The following STARD13 variants were observed in gnomAD, a reference collection of about 807,000 sequenced individuals.
The protein encoded by STARD13 is StAR related lipid transfer domain containing 13.
STARD13 carries 62 observed loss-of-function variants against 106.4 expected under a neutral mutation model. The ratio of observed to expected loss-of-function variants is 0.58; its 90% CI spans 0.48 to 0.72. The LOEUF is 0.72. Among genes scored for constraint, STARD13 ranks in the 30% least tolerant of loss-of-function variants. The pLI is 0.00. For missense variants in STARD13, 1,387 were observed against 1,424.0 expected, an observed-to-expected ratio of 0.97 and a Z score of 0.42; for synonymous variants, 565 against 553.0, an observed-to-expected ratio of 1.02 and a Z score of -0.31.
chr13:33,235,822 T>A (rs954628226), intron 1 of STARD13, among the ~76,000 whole-genome samples: 2 of 152,232 alleles, frequency 1.3e-5, no homozygotes, highest in African/African-American at 4.8e-5. Flanking sequence ...GGCCTCCAGG[T>A]GATTCTAATG....
At chr13:33,365,906 C>A in the STARD13 span, among the ~76,000 whole-genome samples, 95 of 152,182 alleles carry the variant, frequency 6.2e-4, no homozygotes, top group African/African-American at 2.2e-3. Context: ...CAAGGCTTTT[C>A]TTTTATTTTT....
chr13:33,169,347 G>A (rs773651701), intron 1 of STARD13, among the ~76,000 whole-genome samples: 1 of 152,200 alleles, frequency 6.6e-6, no homozygotes, highest in Non-Finnish European at 1.5e-5. Context: ...GTATTTGAAG[G>A]TTCCTACTTT....
chr13:33,285,745 C>A lies in STARD13; in HGVS notation c.-107G>T, dbSNP rs1892029034. ...CCAGCCCAGGACAGCTCAACAGACC[C>A]AGCGATTTTTAAAAAGAAAGAGGAG... On this transcript the variant is annotated 5_prime_UTR_variant, in exon 1 of 14. Transcript: ENST00000336934. 1 of 1,496,130 alleles carries A rather than the reference C, an allele frequency of 6.7e-7. No individual in the cohort carries two copies. Among genetic ancestry groups the A allele is most frequent in the Non-Finnish European group, 8.9e-7 (1 of 1,128,672 alleles). The allele number at this position is 1,496,130 out of a possible 1,614,324, so 92.7% of individuals were successfully genotyped here.
chr13:33,492,032 G>GAAAATTAGCCAA, the STARD13 span, among the ~76,000 whole-genome samples: 1 of 152,080 alleles, frequency 6.6e-6, no homozygotes, highest in Non-Finnish European at 1.5e-5. Context: ...GTCAAAGGGG[G>GAAAATTAGCCAA]TTGTTCTTTG....
chr13:33,406,407 T>C, the STARD13 span, among the ~76,000 whole-genome samples: 6 of 152,390 alleles, frequency 3.9e-5, no homozygotes, highest in Admixed American at 3.9e-4. Flanking sequence ...AAATTTGCTG[T>C]GGACACTGAA....
At chr13:33,120,029 G>A (rs969487302) in intron 7 of STARD13, among the ~76,000 whole-genome samples, 1 of 152,196 alleles carries the variant, frequency 6.6e-6, no homozygotes, top group African/African-American at 2.4e-5. Context: ...TTGGAAGGAG[G>A]CCCAGGACTG....
At chr13:33,579,736 C>T in the STARD13 span, among the ~76,000 whole-genome samples, 1 of 151,030 alleles carries the variant, frequency 6.6e-6, no homozygotes, top group Non-Finnish European at 1.5e-5. Flanking sequence ...AGTAAGAAAA[C>T]AACTCAATTT....
chr13:33,193,335 C>T (rs1293892825), intron 1 of STARD13, among the ~76,000 whole-genome samples: 1 of 152,074 alleles, frequency 6.6e-6, no homozygotes, highest in Non-Finnish European at 1.5e-5. Flanking sequence ...GATCTTGACG[C>T]CTTGCAGAAG....
At chr13:33,669,551 T>C in the STARD13 span, among the ~76,000 whole-genome samples, 1 of 149,464 alleles carries the variant, frequency 6.7e-6, no homozygotes, top group Non-Finnish European at 1.5e-5. Flanking sequence ...TTTTTTTTTT[T>C]TTGAGACAGA....
the STARD13 span, among the ~76,000 whole-genome samples, chr13:33,525,151 A>G: frequency 6.6e-6 from 1 of 151,922 alleles, no homozygotes; most frequent in African/African-American, 2.4e-5. Flanking sequence ...CCTCCCCAGT[A>G]GCTGGTATTA....
chr13:33,583,695 C>G, the STARD13 span, among the ~76,000 whole-genome samples: 1 of 152,200 alleles, frequency 6.6e-6, no homozygotes, highest in Non-Finnish European at 1.5e-5. Flanking sequence ...TTCTCCTGTT[C>G]AGGAACCATT....
intron 1 of STARD13, among the ~76,000 whole-genome samples, chr13:33,189,434 CGGAGGAA>C (rs1356929923): frequency 1.0e-4 from 2 of 19,326 alleles, no homozygotes; most frequent in African/African-American, 2.3e-4. Flanking sequence ...TTCCTCCTTT[CGGAGGAA>C]GGAGGGAAAG....
chr13:33,378,528 C>T, the STARD13 span, among the ~76,000 whole-genome samples: 3 of 152,294 alleles, frequency 2.0e-5, no homozygotes, highest in Admixed American at 6.5e-5. Flanking sequence ...CAGTGGCTCA[C>T]GCCTGTAATC....
the STARD13 span, among the ~76,000 whole-genome samples, chr13:33,396,496 C>T: frequency 6.6e-6 from 1 of 152,200 alleles, no homozygotes; most frequent in East Asian, 1.9e-4. Context: ...CCCCGAATGG[C>T]ACCTTTAAAC....
chr13:33,507,137 A>G, the STARD13 span, among the ~76,000 whole-genome samples: 4 of 152,276 alleles, frequency 2.6e-5, no homozygotes, highest in Middle Eastern at 3.4e-3. Context: ...TTCCAACTAC[A>G]TAACTATAAT....
At position 33,130,232 on chromosome 13, in the gene STARD13, T is replaced by C. The variant is rs751372418; in HGVS notation, c.445A>G (p.Thr149Ala). ...TCCACACGAGACCACCTGCGACTGG[T>C]TCTTTGGAAAGTCCATTTGTTGCTG... ...CISNKWTFQR[T>A]SRRWSRVDDL... The change falls in exon 5 of 14, where the codon ACC becomes GCC. Residue 149 changes from threonine to alanine, a missense_variant. Transcript: ENST00000336934. This position sits in a 1 kb window ranked among gnomAD's most constrained non-coding sequence, Gnocchi z 4.1. 3.1e-6 allele frequency: 5 copies of C among 1,609,094 alleles called. No homozygotes were observed. The highest frequency in any genetic ancestry group is 4.2e-6 in the Non-Finnish European group (5 of 1,179,994).
At chr13:33,652,644 A>G in the STARD13 span, among the ~76,000 whole-genome samples, 2 of 152,218 alleles carry the variant, frequency 1.3e-5, no homozygotes, top group Non-Finnish European at 2.9e-5. Flanking sequence ...TTAATGACAT[A>G]CACATGAAAT....
At chr13:33,432,989 T>C in the STARD13 span, among the ~76,000 whole-genome samples, 1 of 152,188 alleles carries the variant, frequency 6.6e-6, no homozygotes, top group Non-Finnish European at 1.5e-5. Flanking sequence ...CTCAGACAGA[T>C]AAAATCATGT....
Position 33,205,850 on chromosome 13 carries a change from A to G in STARD13, c.170-38228T>C, listed in dbSNP as rs575178215. On this transcript the variant is annotated intron_variant, in intron 1 of 13. Transcript: ENST00000336934. ...TAAAATTGTCCTTAGGCTGTGCTGTACCTTTCAAACAAAACCCCTCTCTTC... is the reference window on the plus strand; with the variant it reads ...TAAAATTGTCCTTAGGCTGTGCTGTGCCTTTCAAACAAAACCCCTCTCTTC... The G allele has an allele frequency of 3.0e-6, 3 of 985,384 alleles. No homozygotes were observed. The South Asian group carries it at 1.4e-4, about 46-fold the overall frequency. 61.0% of individuals were successfully genotyped at this position (985,384 alleles called of 1,614,324 possible).
Sources: allele counts gnomAD v4.1 joint callset (sites outside exome capture counted in the v4.1 genomes callset), GRCh38; gene constraint gnomAD v4.1.1; non-coding constraint Gnocchi (gnomAD v3.1); transcripts MANE v1.5; gene names NCBI Gene and HGNC (gene_info 2026-07-23, HGNC 2026-07-21).